Variants in CLTCL1 observed in about 807,000 individuals in gnomAD.
The protein encoded by CLTCL1 is clathrin heavy chain like 1.
Under a neutral mutation model 190.0 loss-of-function variants are expected in CLTCL1, and 159 were observed. The ratio of observed to expected loss-of-function variants is 0.84; its 90% confidence interval spans 0.74 to 0.95. The LOEUF (loss-of-function observed/expected upper bound fraction) is 0.95. CLTCL1 is among the 40% of genes least tolerant of loss of function. The probability of loss-of-function intolerance (pLI) is 0.00; values close to 1 mark genes in which losing one functional copy is unlikely to be tolerated. For synonymous variants in CLTCL1, 752 were observed against 769.6 expected (o/e 0.98, Z 0.38); for missense variants, 1,878 against 2,033.4 (o/e 0.92, Z 1.47).
intron 1 of CLTCL1, among the ~76,000 whole-genome samples, chr22:19,289,111 C>G (rs1387765495): frequency 5.3e-5 from 8 of 152,174 alleles, no homozygotes; most frequent in African/African-American, 1.9e-4. Context: ...AGCCTCCTGA[C>G]TAGCTGGGAC....
At chr22:19,191,480 G>C (rs1555932148) in intron 26 of CLTCL1, 45 bp from the exon 27 acceptor site, 2 of 1,604,456 alleles carry the variant, frequency 1.2e-6, no homozygotes, top group Admixed American at 3.3e-5. Context: ...GCTGTCTCCA[G>C]ATACCCCAGG....
At chr22:19,237,343 T>C (rs1555962727) in intron 5 of CLTCL1, among the ~76,000 whole-genome samples, 1 of 151,740 alleles carries the variant, frequency 6.6e-6, no homozygotes, top group East Asian at 1.9e-4. Context: ...AGAAAAAAAA[T>C]GCAAAGATTA....
chr22:19,225,017 C>T (rs2085695771), intron 13 of CLTCL1, among the ~76,000 whole-genome samples: 1 of 152,208 alleles, frequency 6.6e-6, no homozygotes, highest in African/African-American at 2.4e-5. Flanking sequence ...CAGCCCCCCA[C>T]AATCAACTGG....
chr22:19,192,770 G>A (rs768085040), intron 26 of CLTCL1, among the ~76,000 whole-genome samples: 6 of 152,206 alleles, frequency 3.9e-5, no homozygotes, highest in Non-Finnish European at 5.9e-5. Flanking sequence ...AGGGTCCCTA[G>A]TACCCGCCAC....
chr22:19,197,709 C>T (rs1434735508), intron 24 of CLTCL1, among the ~76,000 whole-genome samples: 2 of 152,154 alleles, frequency 1.3e-5, no homozygotes, highest in African/African-American at 4.8e-5. Flanking sequence ...GCCCCCTGGC[C>T]CTGCCATCCT....
chr22:19,282,068 C>T (rs1212756727), intron 1 of CLTCL1, among the ~76,000 whole-genome samples: 7 of 148,696 alleles, frequency 4.7e-5, no homozygotes, highest in East Asian at 1.9e-4. Flanking sequence ...CGGTGGCTCA[C>T]GCCTATAATC....
intron 30 of CLTCL1, chr22:19,182,938 G>A (rs1420235685): frequency 4.9e-6 from 1 of 202,872 alleles, no homozygotes; most frequent in Non-Finnish European, 1.0e-5. Context: ...GGATTCAGTG[G>A]ATCTGTGAAT....
chr22:19,195,857 TAAAA>T (rs74936976), intron 26 of CLTCL1, among the ~76,000 whole-genome samples: 1 of 133,874 alleles, frequency 7.5e-6, no homozygotes, highest in Non-Finnish European at 1.6e-5. Flanking sequence ...AGACATGAAC[TAAAA>T]AAAAAAAAGG....
At chr22:19,266,063 T>C (rs2087114548) in intron 2 of CLTCL1, among the ~76,000 whole-genome samples, 1 of 148,872 alleles carries the variant, frequency 6.7e-6, no homozygotes, top group Non-Finnish European at 1.5e-5. Context: ...TTTTTTAATT[T>C]GTAGAGATGG....
At chr22:19,273,964 A>T (rs1555981871) in intron 2 of CLTCL1, among the ~76,000 whole-genome samples, 6 of 152,006 alleles carry the variant, frequency 3.9e-5, no homozygotes, top group Non-Finnish European at 8.8e-5. Flanking sequence ...GATTGACAAC[A>T]TCTAACTATT....
chr22:19,269,774 C>G (rs2087244286), intron 2 of CLTCL1, among the ~76,000 whole-genome samples: 1 of 151,998 alleles, frequency 6.6e-6, no homozygotes, highest in Admixed American at 6.6e-5. Flanking sequence ...CACACCAGGC[C>G]TGTCAGGGGA....
intron 2 of CLTCL1, among the ~76,000 whole-genome samples, chr22:19,255,805 G>A (rs2086727785): frequency 6.6e-6 from 1 of 151,426 alleles, no homozygotes; most frequent in African/African-American, 2.4e-5. Context: ...AGCTACTCGG[G>A]AGGCTGAGGC....
Position 19,235,886 on chromosome 22 carries a change from A to T in CLTCL1, c.796-17T>A. On this transcript the variant is annotated splice_polypyrimidine_tract_variant and intron_variant, in intron 5 of 32. Coordinates refer to ENST00000427926, the MANE Select transcript of CLTCL1 (RefSeq NM_007098.4). ...AGCTCCAATCTATAAGAAGACAGAG[A>T]GCAAGAGGTTGGAAAGTAAGGAGGA... is the stretch of plus-strand genomic sequence containing the variant. 6.2e-7 allele frequency: 1 copy of T among 1,606,240 alleles called. No homozygotes were observed. The highest frequency in any genetic ancestry group is 8.5e-7 in the Non-Finnish European group (1 of 1,176,178).
At chr22:19,222,957 G>C (rs577870900) in intron 14 of CLTCL1, 148 bp from the exon 15 acceptor site, 1 of 918,434 alleles carries the variant, frequency 1.1e-6, no homozygotes, top group East Asian at 2.7e-5. Context: ...ATAGGCTGTC[G>C]TTTTGTGGTA....
chr22:19,271,262 C>T (rs782509975), intron 2 of CLTCL1, among the ~76,000 whole-genome samples: 3 of 152,166 alleles, frequency 2.0e-5, no homozygotes, highest in Non-Finnish European at 2.9e-5. Context: ...CAAATCTCAT[C>T]TCAAGTTGTA....
At chr22:19,266,816 T>C (rs1172930905) in intron 2 of CLTCL1, among the ~76,000 whole-genome samples, 2 of 152,184 alleles carry the variant, frequency 1.3e-5, no homozygotes, top group Non-Finnish European at 2.9e-5. Context: ...ATCATCTCAG[T>C]AGACACAGAA....
Position 19,291,619 on chromosome 22 carries a change from C to T in CLTCL1, c.23G>A (p.Arg8His). MAQILPV[R>H]FQEHFQLQNL... The stretch of plus-strand genomic sequence containing the variant: ...CCTCACCTGGAAGTGCTCCTGAAAG[C>T]GAACAGGGAGGATCTGCGCCATGGC... Residue 8 changes from arginine (R) to histidine (H), a missense_variant, in exon 1 of 33, where the codon CGC (arginine) becomes CAC (histidine). Arg to His is a conservative substitution (Grantham distance 29). Transcript: ENST00000427926. The T allele has an allele frequency of 2.1e-6, 3 of 1,402,702 alleles. No homozygotes were observed. The highest frequency in any genetic ancestry group is 2.8e-6 in the Non-Finnish European group (3 of 1,064,576). 86.9% of individuals were successfully genotyped at this position (1,402,702 alleles called of 1,614,324 possible). A position where few individuals can be genotyped will look rare whatever the true frequency, so the allele number is the denominator to read the frequency against.
At chr22:19,229,388 A>G (rs1239889637) in intron 11 of CLTCL1, among the ~76,000 whole-genome samples, 1 of 152,212 alleles carries the variant, frequency 6.6e-6, no homozygotes, top group Non-Finnish European at 1.5e-5. Flanking sequence ...TGAAAAGCCA[A>G]ATTAATAGAG....
At chr22:19,268,012 G>A (rs1040755068) in intron 2 of CLTCL1, among the ~76,000 whole-genome samples, 5 of 152,054 alleles carry the variant, frequency 3.3e-5, no homozygotes, top group Admixed American at 6.5e-5. Context: ...ATCAAAATTA[G>A]TAAGTTTTGC....
Sources: allele counts gnomAD v4.1 joint callset (sites outside exome capture counted in the v4.1 genomes callset), GRCh38; gene constraint gnomAD v4.1.1; transcripts MANE v1.5; gene names NCBI Gene and HGNC (gene_info 2026-07-23, HGNC 2026-07-21).